The following ANKS1B variants were observed in gnomAD, a reference collection of about 807,000 sequenced individuals.
The protein encoded by ANKS1B is ankyrin repeat and sterile alpha motif domain containing 1B, also known as ankyrin repeat and sterile alpha motif domain-containing protein 1B.
ANKS1B carries 36 observed loss-of-function variants against 148.3 expected under a neutral mutation model. The observed-to-expected ratio is 0.24, with a 90% CI of 0.19 to 0.32. ANKS1B has a LOEUF of 0.32. ANKS1B is among the 10% of genes least tolerant of loss of function. The pLI, the probability that ANKS1B is intolerant of heterozygous loss-of-function variation, is 1.00. For synonymous variants in ANKS1B, 542 were observed against 560.8 expected, an observed-to-expected ratio of 0.97 and a Z score of 0.47; for missense variants, 1,157 against 1,542.6, an observed-to-expected ratio of 0.75 and a Z score of 4.19.
intron 12 of ANKS1B, chr12:99,344,807 C>T (rs2090438887): frequency 6.6e-6 from 1 of 151,824 alleles, no homozygotes; most frequent in South Asian, 2.1e-4. Context: ...AAAGATTTAT[C>T]TAGTCTGCTG....
intron 12 of ANKS1B, among the ~76,000 whole-genome samples, chr12:99,257,776 G>A (rs2075441125): frequency 6.6e-6 from 1 of 152,104 alleles, no homozygotes; most frequent in Non-Finnish European, 1.5e-5. Context: ...AATCTCATCA[G>A]GGAAGGTTTT....
intron 16 of ANKS1B, among the ~76,000 whole-genome samples, chr12:99,069,519 T>C (rs773818180): frequency 6.6e-6 from 1 of 152,220 alleles, no homozygotes; most frequent in Non-Finnish European, 1.5e-5. Context: ...ACTAATATAA[T>C]GCATTGAAGA....
Position 98,948,947 on chromosome 12 carries a change from C to CTTTTT in ANKS1B, c.2778+104205_2778+104209dup, listed in dbSNP as rs869145338. The stretch of plus-strand genomic sequence containing the variant: ...AGGGGTGAGATATGAGCATGAGCTA[C>CTTTTT]TTTTTTTTTTTTTTTTTTTTTTTGA... On this transcript the variant is annotated intron_variant, in intron 17 of 26. Coordinates refer to ENST00000683438, the MANE Select transcript of ANKS1B (RefSeq NM_001352186.2). 6.8e-4 allele frequency among the ~76,000 whole-genome samples: 58 copies of CTTTTT among 84,860 alleles called. 8 individuals are homozygous for CTTTTT. Among genetic ancestry groups the CTTTTT allele is most frequent in the African/African-American group, 1.8e-3 (27 of 14,734 alleles). 55.7% of individuals were successfully genotyped at this position (84,860 alleles called of 152,430 possible).
At chr12:99,890,591 GTGTGTGT>G (rs2093047536) in intron 1 of ANKS1B, among the ~76,000 whole-genome samples, 1 of 118,994 alleles carries the variant, frequency 8.4e-6, no homozygotes, top group Non-Finnish European at 2.1e-5. Flanking sequence ...GTGTGTGTGT[GTGTGTGT>G]GTGTGTGTGT....
intron 8 of ANKS1B, among the ~76,000 whole-genome samples, chr12:99,666,549 T>C (rs181070680): frequency 4.6e-5 from 7 of 152,280 alleles, no homozygotes; most frequent in Admixed American, 4.6e-4. Flanking sequence ...GGGTGGTATA[T>C]CTTTGCACGT....
At chr12:98,839,153 G>C (rs756742162) in intron 17 of ANKS1B, among the ~76,000 whole-genome samples, 1 of 152,174 alleles carries the variant, frequency 6.6e-6, no homozygotes, top group Admixed American at 6.5e-5. Flanking sequence ...TTCTAGCTAA[G>C]TAATCTTTAA....
chr12:99,072,417 T>C (rs2046557167), intron 16 of ANKS1B, among the ~76,000 whole-genome samples: 1 of 152,126 alleles, frequency 6.6e-6, no homozygotes, highest in South Asian at 2.1e-4. Context: ...TATTGTTTTA[T>C]AGATAAGGAC....
chr12:99,835,248 CAAA>C (rs1191460160), intron 1 of ANKS1B, among the ~76,000 whole-genome samples: 64 of 86,978 alleles, frequency 7.4e-4, no homozygotes, highest in South Asian at 1.6e-3. Flanking sequence ...CCCATCTCTA[CAAA>C]AAAAAAAAAA....
At chr12:98,976,137 A>G (rs1031148143) in intron 17 of ANKS1B, among the ~76,000 whole-genome samples, 2 of 152,230 alleles carry the variant, frequency 1.3e-5, no homozygotes, top group Non-Finnish European at 2.9e-5. Flanking sequence ...CCTGAGATTC[A>G]TCTCGTGTTA....
intron 12 of ANKS1B, among the ~76,000 whole-genome samples, chr12:99,323,320 G>A (rs929334400): frequency 6.6e-6 from 1 of 152,096 alleles, no homozygotes; most frequent in Admixed American, 6.6e-5. Flanking sequence ...TAATACCTAT[G>A]AGTAATTAAT....
chr12:99,107,575 G>A (rs2059478859), intron 15 of ANKS1B, among the ~76,000 whole-genome samples: 1 of 152,198 alleles, frequency 6.6e-6, no homozygotes, highest in Non-Finnish European at 1.5e-5. Flanking sequence ...GCCTTATGCA[G>A]TCTTAATAAT....
chr12:99,222,758 C>G (rs1288333396), intron 14 of ANKS1B, among the ~76,000 whole-genome samples: 1 of 152,120 alleles, frequency 6.6e-6, no homozygotes, highest in East Asian at 1.9e-4. Context: ...TTGATCTTCC[C>G]AAACAGAACA....
At chr12:99,295,090 A>G (rs1470359822) in intron 12 of ANKS1B, among the ~76,000 whole-genome samples, 1 of 152,202 alleles carries the variant, frequency 6.6e-6, no homozygotes, top group Admixed American at 6.5e-5. Context: ...CTACGTACCC[A>G]TAAAAAAATT....
intron 1 of ANKS1B, among the ~76,000 whole-genome samples, chr12:99,944,883 T>C (rs1202042705): frequency 6.6e-6 from 1 of 152,124 alleles, no homozygotes; most frequent in Non-Finnish European, 1.5e-5. Context: ...AGCTGGCCTT[T>C]AAGCTGACTT....
chr12:99,024,964 C>T (rs1423128479), intron 17 of ANKS1B, among the ~76,000 whole-genome samples: 6 of 152,270 alleles, frequency 3.9e-5, no homozygotes, highest in South Asian at 4.1e-4. Context: ...TCCTGTCCCA[C>T]GGAAGCTCCA....
At chr12:99,821,470 CAA>C (rs5800383) in intron 2 of ANKS1B, among the ~76,000 whole-genome samples, 2,054 of 145,788 alleles carry the variant, frequency 0.014, 33 homozygotes, top group East Asian at 0.042. Flanking sequence ...TCTAAATCAC[CAA>C]AAAAAAAAAA....
At chr12:99,058,597 T>C (rs1565808196) in intron 16 of ANKS1B, among the ~76,000 whole-genome samples, 1 of 152,158 alleles carries the variant, frequency 6.6e-6, no homozygotes, top group African/African-American at 2.4e-5. Context: ...CTTTATTGTA[T>C]GAGTTTGATT....
At chr12:98,874,123 G>A (rs144513799) in intron 17 of ANKS1B, among the ~76,000 whole-genome samples, 48 of 152,180 alleles carry the variant, frequency 3.2e-4, no homozygotes, top group African/African-American at 1.1e-3. Flanking sequence ...AGAATCAATA[G>A]GAAGCCAAAT....
At chr12:99,485,067 A>C (rs950148349) in intron 10 of ANKS1B, among the ~76,000 whole-genome samples, 1 of 151,342 alleles carries the variant, frequency 6.6e-6, no homozygotes, top group African/African-American at 2.4e-5. Context: ...CATCATAGTA[A>C]TTTTTACTTA....
Sources: allele counts gnomAD v4.1 joint callset (sites outside exome capture counted in the v4.1 genomes callset), GRCh38; gene constraint gnomAD v4.1.1; transcripts MANE v1.5; gene names NCBI Gene and HGNC (gene_info 2026-07-23, HGNC 2026-07-21).